The following NTM variants were observed in gnomAD, a reference collection of about 807,000 sequenced individuals.
The protein encoded by NTM is IgLON family member 2.
A neutral mutation model predicts 42.1 loss-of-function variants in NTM; 13 were observed. The ratio of observed to expected loss-of-function variants is 0.31; its 90% confidence interval spans 0.20 to 0.49. The LOEUF is 0.49. NTM is among the 20% of genes least tolerant of loss of function. NTM has a pLI of 0.99. For synonymous variants in NTM, 187 were observed against 179.2 expected, an observed-to-expected ratio of 1.04 and a Z score of -0.35; for missense variants, 373 against 452.8, an observed-to-expected ratio of 0.82 and a Z score of 1.60.
intron 1 of NTM, among the ~76,000 whole-genome samples, chr11:131,430,755 G>A (rs1368556506): frequency 6.6e-6 from 1 of 152,148 alleles, no homozygotes; most frequent in Non-Finnish European, 1.5e-5. Context: ...CCCCACCATG[G>A]GCCTTGCCTG....
intron 1 of NTM, among the ~76,000 whole-genome samples, chr11:131,714,717 A>G (rs561607226): frequency 6.6e-6 from 1 of 152,120 alleles, no homozygotes; most frequent in Non-Finnish European, 1.5e-5. Context: ...AGTGTAAGTC[A>G]TGTGTCCCAT....
At chr11:131,794,296 G>A (rs7941338) in intron 1 of NTM, among the ~76,000 whole-genome samples, 120,595 of 152,138 alleles carry the variant, frequency 0.79, 48,579 homozygotes, top group African/African-American at 0.91. Flanking sequence ...CAGGATAAAC[G>A]TTTTGTAATG....
intron 3 of NTM, among the ~76,000 whole-genome samples, chr11:132,209,126 G>C (rs1249872422): frequency 6.6e-6 from 1 of 152,140 alleles, no homozygotes; most frequent in Non-Finnish European, 1.5e-5. Flanking sequence ...TTTTTGCAAT[G>C]ATCAATTTAA....
intron 1 of NTM, among the ~76,000 whole-genome samples, chr11:131,672,323 A>G (rs1302202877): frequency 6.6e-6 from 1 of 152,178 alleles, no homozygotes; most frequent in Non-Finnish European, 1.5e-5. Context: ...GGCCAGGTGA[A>G]GGCAGAGGCG....
At chr11:131,544,845 C>T (rs189718381) in intron 1 of NTM, among the ~76,000 whole-genome samples, 2 of 152,262 alleles carry the variant, frequency 1.3e-5, no homozygotes, top group East Asian at 3.9e-4. Flanking sequence ...CTCTGGTCAT[C>T]GAATCAGATA....
At chr11:132,097,322 C>T (rs1279698204) in intron 2 of NTM, among the ~76,000 whole-genome samples, 1 of 152,194 alleles carries the variant, frequency 6.6e-6, no homozygotes, top group Non-Finnish European at 1.5e-5. Flanking sequence ...ACTGGAACCA[C>T]AGCAGGTCAC....
At chr11:131,450,344 A>G (rs1950387863) in intron 1 of NTM, among the ~76,000 whole-genome samples, 1 of 152,104 alleles carries the variant, frequency 6.6e-6, no homozygotes, top group Non-Finnish European at 1.5e-5. Flanking sequence ...GCTTCCACCC[A>G]CCATCTATTG....
intron 1 of NTM, among the ~76,000 whole-genome samples, chr11:131,545,993 A>G (rs555779836): frequency 6.6e-6 from 1 of 152,234 alleles, no homozygotes; most frequent in East Asian, 1.9e-4. Flanking sequence ...AGAAAGTGGG[A>G]GGGGGACCTT....
At chr11:131,581,761 G>A (rs1375416292) in intron 1 of NTM, among the ~76,000 whole-genome samples, 1 of 152,088 alleles carries the variant, frequency 6.6e-6, no homozygotes, top group Non-Finnish European at 1.5e-5. Context: ...CCCTAAAATG[G>A]CCTCCCATGC....
intron 1 of NTM, among the ~76,000 whole-genome samples, chr11:131,691,894 A>T (rs913124643): frequency 2.6e-5 from 4 of 152,148 alleles, no homozygotes; most frequent in Non-Finnish European, 5.9e-5. Flanking sequence ...CGAGGTAAAT[A>T]TCGTTAGCTT....
intron 3 of NTM, among the ~76,000 whole-genome samples, chr11:132,177,581 G>C (rs1056708782): frequency 3.3e-5 from 5 of 152,272 alleles, no homozygotes; most frequent in Non-Finnish European, 7.4e-5. Flanking sequence ...TAACATTTTA[G>C]AAGATGACTG....
intron 1 of NTM, among the ~76,000 whole-genome samples, chr11:131,815,909 T>C (rs563380689): frequency 3.3e-5 from 5 of 152,266 alleles, no homozygotes; most frequent in East Asian, 3.9e-4. Context: ...CCCCAGCTGG[T>C]CTCTGCAGGA....
chr11:132,225,109 A>G (rs888744703), intron 4 of NTM, among the ~76,000 whole-genome samples: 12 of 152,234 alleles, frequency 7.9e-5, no homozygotes, highest in Non-Finnish European at 1.6e-4. Flanking sequence ...CAGATATATG[A>G]TAAATAGGCA....
intron 1 of NTM, among the ~76,000 whole-genome samples, chr11:131,701,709 T>C (rs2076090007): frequency 1.3e-5 from 2 of 152,170 alleles, no homozygotes; most frequent in South Asian, 4.1e-4. Context: ...GGCCTTGTTA[T>C]TTCTTCATTT....
chr11:131,395,489 T>A (rs998463057), intron 1 of NTM, among the ~76,000 whole-genome samples: 3 of 152,130 alleles, frequency 2.0e-5, no homozygotes, highest in African/African-American at 4.8e-5. Flanking sequence ...CCTTTCTTCT[T>A]CTCTTTCTGA....
chr11:132,049,945 G>T (rs2078618227), intron 2 of NTM, among the ~76,000 whole-genome samples: 1 of 152,158 alleles, frequency 6.6e-6, no homozygotes, highest in Admixed American at 6.5e-5. Flanking sequence ...GATACACAAA[G>T]ATCTGCAGCC....
chr11:131,602,282 C>G (rs1481153968), intron 1 of NTM, among the ~76,000 whole-genome samples: 1 of 152,134 alleles, frequency 6.6e-6, no homozygotes, highest in Admixed American at 6.6e-5. Context: ...TTTCTTGATT[C>G]AACTATTCTC....
At chr11:131,487,155 C>T (rs1382075826) in intron 1 of NTM, among the ~76,000 whole-genome samples, 1 of 152,178 alleles carries the variant, frequency 6.6e-6, no homozygotes, top group Non-Finnish European at 1.5e-5. Context: ...ATCCCTGGGC[C>T]CCTGGAAGCC....
At chr11:132,005,860 G>C (rs1316164097) in intron 2 of NTM, among the ~76,000 whole-genome samples, 1 of 152,040 alleles carries the variant, frequency 6.6e-6, no homozygotes, top group Non-Finnish European at 1.5e-5. Context: ...AATCCCTCCT[G>C]TTTCCCTAAA....
Sources: gnomAD v4.1 joint callset for allele counts (sites outside exome capture counted in the v4.1 genomes callset) on GRCh38, gnomAD v4.1.1 for gene constraint, MANE v1.5 for transcripts, NCBI Gene and HGNC (gene_info 2026-07-23, HGNC 2026-07-21) for gene names.